GPC5: variants seen among roughly 807,000 people sequenced by gnomAD.
The protein encoded by GPC5 is glypican 5, also known as glypican-5.
GPC5 carries 47 observed loss-of-function variants against 53.9 expected under a neutral mutation model. The observed-to-expected ratio is 0.87, with a 90% confidence interval of 0.69 to 1.11. The LOEUF (loss-of-function observed/expected upper bound fraction) is 1.11. Ranked by LOEUF, GPC5 falls within the 50% of genes most tolerant of loss-of-function variation. The probability of loss-of-function intolerance (pLI) is 0.00; values close to 1 mark genes in which losing one functional copy is unlikely to be tolerated. For missense variants in GPC5, 748 were observed against 713.1 expected (o/e 1.05, Z -0.56); for synonymous variants, 286 against 263.3 (o/e 1.09, Z -0.84).
intron 5 of GPC5, among the ~76,000 whole-genome samples, chr13:91,837,000 A>T (rs1344535754): frequency 1.3e-5 from 2 of 150,618 alleles, no homozygotes; most frequent in East Asian, 3.9e-4. Flanking sequence ...GTTTTTGAAA[A>T]TACTTATATC....
At chr13:91,972,847 G>A (rs1033714217) in intron 6 of GPC5, among the ~76,000 whole-genome samples, 1 of 152,216 alleles carries the variant, frequency 6.6e-6, no homozygotes, top group African/African-American at 2.4e-5. Context: ...CTGTTAGTCT[G>A]ATGGGCTTCC....
chr13:92,808,444 G>A (rs1877181005), intron 7 of GPC5, among the ~76,000 whole-genome samples: 1 of 152,020 alleles, frequency 6.6e-6, no homozygotes, highest in African/African-American at 2.4e-5. Flanking sequence ...TTTGGTTGTT[G>A]TTAGAGTTGT....
chr13:91,757,037 CT>C (rs1015410128), intron 5 of GPC5, among the ~76,000 whole-genome samples: 3 of 151,852 alleles, frequency 2.0e-5, no homozygotes, highest in Non-Finnish European at 4.4e-5. Flanking sequence ...TCCATGTTTA[CT>C]TTTTTTCCTG....
intron 7 of GPC5, among the ~76,000 whole-genome samples, chr13:92,580,431 T>C (rs1883334829): frequency 6.6e-6 from 1 of 152,208 alleles, no homozygotes; most frequent in African/African-American, 2.4e-5. Context: ...AGTATACATA[T>C]AAACACAATT....
intron 7 of GPC5, among the ~76,000 whole-genome samples, chr13:92,256,008 A>G (rs1013869014): frequency 2.3e-4 from 35 of 152,056 alleles, no homozygotes; most frequent in Admixed American, 6.6e-5. Context: ...TAAATTAATG[A>G]TTCTCTAAAG....
intron 5 of GPC5, among the ~76,000 whole-genome samples, chr13:91,773,879 A>G (rs971684527): frequency 1.3e-5 from 2 of 152,158 alleles, no homozygotes; most frequent in African/African-American, 4.8e-5. Flanking sequence ...TCTTTCTCAT[A>G]TGTGTCTTTT....
intron 5 of GPC5, among the ~76,000 whole-genome samples, chr13:91,856,367 T>A (rs7996921): frequency 0.19 from 28,683 of 151,390 alleles, 3,028 homozygotes; most frequent in East Asian, 0.31. Context: ...TGATGAAATA[T>A]TTTTATGTTT....
Position 92,768,170 on chromosome 13 carries a change from C to T in GPC5, c.1562-98112C>T, listed in dbSNP as rs370080819. On this transcript the variant is annotated intron_variant, in intron 7 of 7. Coordinates refer to ENST00000377067, the MANE Select transcript of GPC5 (RefSeq NM_004466.6). ...CTAACATAATTGCAGTTTTTTCATA[C>T]GTAGAATTTCAAGAACAGATATAAC... 3.4e-4 allele frequency among the ~76,000 whole-genome samples: 52 copies of T among 152,190 alleles called. 1 individual carries two copies. The highest frequency in any genetic ancestry group is 3.3e-3 in the East Asian group (17 of 5,188).
At chr13:92,851,401 G>T (rs1215369372) in intron 7 of GPC5, among the ~76,000 whole-genome samples, 1 of 152,186 alleles carries the variant, frequency 6.6e-6, no homozygotes, top group African/African-American at 2.4e-5. Flanking sequence ...GACGCTGGAA[G>T]AGTCTTCTCT....
At chr13:91,505,471 A>G (rs1884890725) in intron 2 of GPC5, among the ~76,000 whole-genome samples, 1 of 152,162 alleles carries the variant, frequency 6.6e-6, no homozygotes, top group African/African-American at 2.4e-5. Flanking sequence ...GGTAGTGGGG[A>G]CATGATGTGA....
At position 91,643,394 on chromosome 13, in the gene GPC5, C is replaced by T. The variant is rs116120576; in HGVS notation, c.326-49793C>T. ...GCCTCATTGTCCAATCTGGGAGAGTCACTGAAATGTAACTACTACAAATTG... is the reference window on the plus strand; with the variant it reads ...GCCTCATTGTCCAATCTGGGAGAGTTACTGAAATGTAACTACTACAAATTG... On this transcript the variant is annotated intron_variant, in intron 2 of 7. Coordinates refer to ENST00000377067, the MANE Select transcript of GPC5 (RefSeq NM_004466.6). Among the ~76,000 whole-genome samples the T allele has an allele frequency of 4.9e-3, 753 of 152,220 alleles. 11 individuals carry two copies. Among genetic ancestry groups the T allele is most frequent in the African/African-American group, 0.017 (721 of 41,530 alleles).
chr13:92,563,004 CAAG>C (rs1311175743), intron 7 of GPC5, among the ~76,000 whole-genome samples: 1 of 151,976 alleles, frequency 6.6e-6, no homozygotes, highest in Non-Finnish European at 1.5e-5. Flanking sequence ...TGTGTAACAG[CAAG>C]AAGAAGATAA....
At chr13:92,584,418 T>C (rs536398296) in intron 7 of GPC5, among the ~76,000 whole-genome samples, 3 of 152,254 alleles carry the variant, frequency 2.0e-5, no homozygotes, top group African/African-American at 7.2e-5. Context: ...CTGTGGAGCT[T>C]TGAACTTGAG....
intron 6 of GPC5, among the ~76,000 whole-genome samples, chr13:92,099,309 A>G (rs1252386573): frequency 1.3e-5 from 2 of 152,180 alleles, no homozygotes; most frequent in Admixed American, 1.3e-4. Context: ...CTATCCGTAC[A>G]TGGCTCCTGC....
At chr13:91,743,654 G>T (rs939709994) in intron 4 of GPC5, among the ~76,000 whole-genome samples, 2 of 152,146 alleles carry the variant, frequency 1.3e-5, no homozygotes, top group African/African-American at 4.8e-5. Context: ...CACCACAATT[G>T]TCTTCGAACT....
chr13:92,418,962 T>A (rs928502225), intron 7 of GPC5, among the ~76,000 whole-genome samples: 1 of 152,222 alleles, frequency 6.6e-6, no homozygotes, highest in African/African-American at 2.4e-5. Flanking sequence ...TCTGCAACCC[T>A]GGAGAGTAAA....
chr13:91,454,190 G>T (rs918873069), intron 2 of GPC5, among the ~76,000 whole-genome samples: 5 of 152,012 alleles, frequency 3.3e-5, no homozygotes, highest in African/African-American at 1.2e-4. Context: ...TATTAATTAT[G>T]AGAAACCAAG....
chr13:92,208,451 C>A (rs1489518516), intron 7 of GPC5, among the ~76,000 whole-genome samples: 1 of 152,196 alleles, frequency 6.6e-6, no homozygotes, highest in Non-Finnish European at 1.5e-5. Context: ...ACCTGCTTTT[C>A]AGCAAAGGTC....
At chr13:92,039,285 G>T (rs1219406721) in intron 6 of GPC5, among the ~76,000 whole-genome samples, 2 of 152,232 alleles carry the variant, frequency 1.3e-5, no homozygotes, top group African/African-American at 4.8e-5. Context: ...AATAGAAAAA[G>T]TAACAGGATG....
Sources: gnomAD v4.1 joint callset for allele counts (sites outside exome capture counted in the v4.1 genomes callset) on GRCh38, gnomAD v4.1.1 for gene constraint, MANE v1.5 for transcripts, NCBI Gene and HGNC (gene_info 2026-07-23, HGNC 2026-07-21) for gene names.